The following FSTL4 variants were observed in gnomAD, a reference collection of about 807,000 sequenced individuals.
FSTL4 encodes the protein follistatin like 4.
FSTL4 carries 28 observed loss-of-function variants against 78.2 expected under a neutral mutation model. The observed-to-expected ratio is 0.36, with a 90% confidence interval of 0.27 to 0.49. The LOEUF (loss-of-function observed/expected upper bound fraction) is 0.49. FSTL4 is among the 20% of genes least tolerant of loss of function. The pLI, the probability that FSTL4 is intolerant of heterozygous loss-of-function variation, is 0.98. For synonymous variants in FSTL4, 422 were observed against 440.5 expected, an observed-to-expected ratio of 0.96 and a Z score of 0.53; for missense variants, 922 against 1,084.9, an observed-to-expected ratio of 0.85 and a Z score of 2.11.
chr5:133,616,590 C>CG (rs1367709737), upstream of FSTL4, among the ~76,000 whole-genome samples: 2 of 151,956 alleles, frequency 1.3e-5, no homozygotes, highest in Non-Finnish European at 2.9e-5. Context: ...TTTGTAGAGA[C>CG]GGGGTCTCCC....
Position 133,603,876 on chromosome 5 carries a change from C to A in FSTL4, c.108G>T (p.Val36=), listed in dbSNP as rs377424526. The A allele has an allele frequency of 1.2e-6, 2 of 1,614,166 alleles. No homozygotes were observed. Among genetic ancestry groups the A allele is most frequent in the East Asian group, 2.2e-5 (1 of 44,880 alleles). ...PGTSRGPDVG[V]GESQAEEPRS... ...ACTATACCTCTGCCTGTGACTCCCCCACACCCACATCCGGGCCTCTGCTGG... is the reference window on the plus strand; with the variant it reads ...ACTATACCTCTGCCTGTGACTCCCCAACACCCACATCCGGGCCTCTGCTGG... Residue 36 remains valine, a synonymous_variant, in exon 2 of 16, where the codon GTG becomes GTT. Transcript: ENST00000265342.
At chr5:133,657,775 G>GTTTTTTTTT in the FSTL4 span, among the ~76,000 whole-genome samples, 10 of 133,666 alleles carry the variant, frequency 7.5e-5, no homozygotes, top group Non-Finnish European at 1.1e-4. Flanking sequence ...TGTTTTTTTT[G>GTTTTTTTTT]TTTTTTTTTT....
At chr5:133,241,048 G>A (rs1209577953) in intron 7 of FSTL4, among the ~76,000 whole-genome samples, 4 of 152,200 alleles carry the variant, frequency 2.6e-5, no homozygotes, top group Non-Finnish European at 5.9e-5. Context: ...AAAAGCTTTG[G>A]ACACCGAGGC....
chr5:133,545,258 G>A (rs1759552974), intron 3 of FSTL4, among the ~76,000 whole-genome samples: 1 of 152,182 alleles, frequency 6.6e-6, no homozygotes, highest in South Asian at 2.1e-4. Context: ...TGGTGTGGCA[G>A]TGTTGGGGGT....
chr5:133,653,606 T>G, the FSTL4 span, among the ~76,000 whole-genome samples: 5 of 152,186 alleles, frequency 3.3e-5, no homozygotes. Context: ...AATCCAGCAG[T>G]AAAGGCTGGA....
At chr5:133,535,783 G>C (rs1490569700) in intron 3 of FSTL4, among the ~76,000 whole-genome samples, 2 of 152,218 alleles carry the variant, frequency 1.3e-5, no homozygotes, top group Admixed American at 1.3e-4. Context: ...TGTTATAGCA[G>C]TCCAAGTAGA....
the FSTL4 span, among the ~76,000 whole-genome samples, chr5:133,755,486 C>T: frequency 6.6e-6 from 1 of 152,170 alleles, no homozygotes; most frequent in Non-Finnish European, 1.5e-5. Context: ...AACTCAAGCA[C>T]CTCTTCCATC....
intron 4 of FSTL4, among the ~76,000 whole-genome samples, chr5:133,363,943 C>T (rs565699871): frequency 6.6e-6 from 1 of 152,330 alleles, no homozygotes; most frequent in South Asian, 2.1e-4. Flanking sequence ...TAGACGGCGG[C>T]TCAGAGGGCA....
chr5:133,793,745 T>A, the FSTL4 span, among the ~76,000 whole-genome samples: 1 of 152,114 alleles, frequency 6.6e-6, no homozygotes, highest in Non-Finnish European at 1.5e-5. Flanking sequence ...CACCACCTCC[T>A]CCCCTGGCCC....
chr5:133,711,148 C>A, the FSTL4 span, among the ~76,000 whole-genome samples: 1 of 152,110 alleles, frequency 6.6e-6, no homozygotes, highest in Non-Finnish European at 1.5e-5. Flanking sequence ...AAAATGGAGG[C>A]CCAGGTTCCC....
the FSTL4 span, among the ~76,000 whole-genome samples, chr5:133,822,697 A>G: frequency 1.3e-5 from 2 of 152,312 alleles, no homozygotes; most frequent in African/African-American, 2.4e-5. Context: ...TTTCAACAAG[A>G]ATATGAATCC....
chr5:133,768,161 C>A, the FSTL4 span, among the ~76,000 whole-genome samples: 11 of 152,184 alleles, frequency 7.2e-5, no homozygotes, highest in Admixed American at 6.5e-5. Context: ...CTGGGGTCCA[C>A]ACCCAGGACC....
At chr5:133,740,422 A>T in the FSTL4 span, among the ~76,000 whole-genome samples, 1 of 151,966 alleles carries the variant, frequency 6.6e-6, no homozygotes, top group African/African-American at 2.4e-5. Context: ...ACTCAAACCC[A>T]TACCCCCAGC....
At chr5:133,259,922 A>G (rs1011242718) in intron 6 of FSTL4, among the ~76,000 whole-genome samples, 46 of 152,036 alleles carry the variant, frequency 3.0e-4, no homozygotes, top group African/African-American at 1.1e-3. Context: ...GGGACCCCAC[A>G]CAACATTGAG....
chr5:133,505,653 T>A (rs59809585), intron 3 of FSTL4, among the ~76,000 whole-genome samples: 26,637 of 152,264 alleles, frequency 0.17, 2,446 homozygotes, highest in South Asian at 0.3. Flanking sequence ...GTCTTATTCC[T>A]TAGAATGAAT....
At chr5:133,629,896 C>A in the FSTL4 span, among the ~76,000 whole-genome samples, 21 of 152,298 alleles carry the variant, frequency 1.4e-4, no homozygotes, top group Non-Finnish European at 2.6e-4. Context: ...TGACAAAAAC[C>A]ACATGATTAT....
chr5:133,772,102 A>G, the FSTL4 span, among the ~76,000 whole-genome samples: 3 of 152,220 alleles, frequency 2.0e-5, no homozygotes, highest in Admixed American at 6.5e-5. Context: ...CAGGTAAGTA[A>G]GTTGCATCCA....
rs981266040 is a variant in FSTL4, at chr5:133,437,493, T to TTG, written c.161-36508_161-36507insCA. Among the ~76,000 whole-genome samples the TTG allele has an allele frequency of 6.3e-5, 9 of 142,988 alleles. 1 individual carries two copies. The highest frequency in any genetic ancestry group is 2.5e-4 in the African/African-American group (9 of 36,598). The allele number at this position is 142,988 out of a possible 152,430, so 93.8% of individuals were successfully genotyped here. On this transcript the variant is annotated intron_variant, in intron 3 of 15. Transcript: ENST00000265342. ...GTATATAGTAAATAGGTGTTTTTTT[T>TTG]TTTTTTTTTTTTTTGAGATAGAGTC...
Position 133,464,516 on chromosome 5 carries a change from A to C in FSTL4, c.161-63530T>G, listed in dbSNP as rs564844084. On this transcript the variant is annotated intron_variant, in intron 3 of 15. Coordinates refer to ENST00000265342, the MANE Select transcript of FSTL4 (RefSeq NM_015082.2). The stretch of plus-strand genomic sequence containing the variant: ...CTGGTTTTACAAACACAGCATCAGC[A>C]GAGGGGCCGGCCTCGTGGGGAAAAG... Among the ~76,000 whole-genome samples the C allele has an allele frequency of 5.6e-4, 86 of 152,328 alleles. 1 individual carries two copies. The highest frequency in any genetic ancestry group is 2.0e-3 in the African/African-American group (82 of 41,578).
Sources: gnomAD v4.1 joint callset for allele counts (sites outside exome capture counted in the v4.1 genomes callset) on GRCh38, gnomAD v4.1.1 for gene constraint, MANE v1.5 for transcripts, NCBI Gene and HGNC (gene_info 2026-07-23, HGNC 2026-07-21) for gene names.